DNAH10: variants seen among roughly 807,000 people sequenced by gnomAD.
DNAH10 encodes the protein dynein axonemal heavy chain 10.
A neutral mutation model predicts 506.6 loss-of-function variants in DNAH10; 348 were observed. The observed-to-expected ratio is 0.69, with a 90% CI of 0.63 to 0.75. The LOEUF is 0.75. DNAH10 is among the 30% of genes least tolerant of loss of function. DNAH10 has a pLI of 0.00. For synonymous variants in DNAH10, 2,059 were observed against 2,198.6 expected (o/e 0.94, Z 1.78); for missense variants, 5,179 against 5,787.1 (o/e 0.89, Z 3.41).
intron 30 of DNAH10, among the ~76,000 whole-genome samples, chr12:123,845,207 C>T (rs569830478): frequency 3.3e-5 from 5 of 152,182 alleles, no homozygotes; most frequent in African/African-American, 1.2e-4. Context: ...CTATGTTGCC[C>T]AGGCTAGTCT....
In DNAH10 at chr12:123,919,573, C is replaced by T. The variant is rs1322844023; in HGVS notation, c.11506+624C>T. Among the ~76,000 whole-genome samples the T allele has an allele frequency of 6.6e-6, 1 of 152,180 alleles. No individual in the cohort carries two copies. Among genetic ancestry groups the T allele is most frequent in the Non-Finnish European group, 1.5e-5 (1 of 68,038 alleles). ...CTACTCTCTGGCTCCGGAACGTTTC[C>T]ACCAGCCCCGAAATGAAATCCCATA... On this transcript the variant is annotated intron_variant, in intron 65 of 78. Coordinates refer to ENST00000673944, the MANE Select transcript of DNAH10 (RefSeq NM_001372106.1). The surrounding 1 kb of genome is among the most constrained non-coding windows in gnomAD (Gnocchi z 4.9).
Position 123,914,489 on chromosome 12 carries a change from A to T in DNAH10, c.10513A>T (p.Ile3505Phe), listed in dbSNP as rs765566549. The T allele has an allele frequency of 6.2e-7, 1 of 1,613,660 alleles. No homozygotes were observed. Among genetic ancestry groups the T allele is most frequent in the South Asian group, 1.1e-5 (1 of 91,074 alleles). ...IWQNDILERE[I>F]PLSQPFRLES... ...GCAAAATGACATCCTGGAGCGGGAGATCCCCCTGAGCCAGCCTTTCCGGCT... is the reference window on the plus strand; with the variant it reads ...GCAAAATGACATCCTGGAGCGGGAGTTCCCCCTGAGCCAGCCTTTCCGGCT... The change falls in exon 61 of 79, where the codon ATC (isoleucine) becomes TTC (phenylalanine). Residue 3505 changes from isoleucine (I) to phenylalanine (F), a missense_variant. Physicochemically the swap from Ile to Phe is conservative, Grantham distance 21. This residue lies in a region of DNAH10 where 4,844 missense variants were observed against 5,430.5 expected (regional missense o/e 0.89). Transcript: ENST00000673944.
In DNAH10 at chr12:123,785,883, C is replaced by T; in HGVS notation, c.1368C>T (p.Ala456=). ...TGATTCCGCTCATGGAGCGCATCGC[C>T]TGGGAAATCGCTGAGAGAGTCTGCC... ...ERMIPLMERI[A]WEIAERVCRV... is the part of the protein sequence containing the mutation. Residue 456 remains alanine (A), a synonymous_variant, in exon 9 of 79, where the codon GCC becomes GCT. Coordinates refer to ENST00000673944, the MANE Select transcript of DNAH10 (RefSeq NM_001372106.1). This position sits in a 1 kb window ranked among gnomAD's most constrained non-coding sequence, Gnocchi z 4.1. The T allele has an allele frequency of 6.2e-7, 1 of 1,614,164 alleles. No homozygotes were observed. Among genetic ancestry groups the T allele is most frequent in the Non-Finnish European group, 8.5e-7 (1 of 1,179,992 alleles).
At chr12:123,908,825 A>G (rs778921634) in intron 57 of DNAH10, among the ~76,000 whole-genome samples, 37 of 152,030 alleles carry the variant, frequency 2.4e-4, no homozygotes, top group Admixed American at 2.2e-3. Flanking sequence ...CTGTTTGTCC[A>G]TCTAGTAAAT....
intron 72 of DNAH10, 135 bp from the exon 73 acceptor site, chr12:123,930,267 G>A: frequency 2.0e-5 from 16 of 807,852 alleles, no homozygotes; most frequent in Middle Eastern, 3.8e-4. Context: ...GGTTATGCAA[G>A]TCAACAGGTT....
intron 36 of DNAH10, among the ~76,000 whole-genome samples, chr12:123,856,766 AAAAT>A (rs1413305535): frequency 1.5e-4 from 22 of 147,730 alleles, no homozygotes; most frequent in African/African-American, 4.2e-4. Context: ...TATAAAATAA[AAAAT>A]AAAATTATAT....
intron 57 of DNAH10, among the ~76,000 whole-genome samples, chr12:123,906,713 C>G (rs1253001183): frequency 6.6e-6 from 1 of 151,972 alleles, no homozygotes; most frequent in East Asian, 1.9e-4. Context: ...AGTTTGGATC[C>G]AATTTGAGTT....
chr12:123,844,240 A>G (rs1950870232), intron 30 of DNAH10, among the ~76,000 whole-genome samples: 1 of 152,328 alleles, frequency 6.6e-6, no homozygotes, highest in East Asian at 1.9e-4. Flanking sequence ...AACCGCCCCC[A>G]TGATCCAGTC....
intron 55 of DNAH10, 113 bp from the exon 56 acceptor site, chr12:123,898,540 C>A (rs1953361521): frequency 1.5e-6 from 2 of 1,326,564 alleles, no homozygotes; most frequent in Non-Finnish European, 2.0e-6. Context: ...CATGTGCCAT[C>A]TTGTAAAAAT....
chr12:123,814,048 A>ATT, intron 21 of DNAH10, 136 bp downstream of exon 21: 5 of 757,842 alleles, frequency 6.6e-6, no homozygotes, highest in Non-Finnish European at 1.0e-5. Context: ...TTGTAAATGT[A>ATT]AAGCAATGCC....
In DNAH10 at chr12:123,857,253, G is replaced by A. The variant is rs553010603; in HGVS notation, c.6630+6G>A. On this transcript the variant is annotated splice_donor_region_variant and intron_variant, in intron 37 of 78. Transcript: ENST00000673944. ...ACGCGGTCCTACCCATCCAGGTAAA[G>A]CCAGGAAAATGACCTCACTGTGGCC... The A allele has an allele frequency of 5.8e-6, 9 of 1,540,168 alleles. No homozygotes were observed. The highest frequency in any genetic ancestry group is 3.4e-4 in the Middle Eastern group (2 of 5,846).
chr12:123,877,275 G>A (rs577551347), intron 47 of DNAH10, among the ~76,000 whole-genome samples: 23 of 152,154 alleles, frequency 1.5e-4, no homozygotes, highest in South Asian at 6.3e-4. Context: ...AGGGTCATCC[G>A]TGCTGGAGCT....
At chr12:123,843,809 C>T (rs978114514) in intron 30 of DNAH10, among the ~76,000 whole-genome samples, 57 of 152,224 alleles carry the variant, frequency 3.7e-4, no homozygotes, top group African/African-American at 1.3e-3. Context: ...AACTCCCGAC[C>T]TCAGGTGATC....
At chr12:123,843,388 G>A (rs1026980172) in intron 30 of DNAH10, among the ~76,000 whole-genome samples, 1 of 151,968 alleles carries the variant, frequency 6.6e-6, no homozygotes, top group Non-Finnish European at 1.5e-5. Context: ...GGTTTGTCGC[G>A]TCCTTTACAA....
At chr12:123,934,296 T>A in intron 77 of DNAH10, 1 of 690,648 alleles carries the variant, frequency 1.4e-6, no homozygotes, top group Non-Finnish European at 2.7e-6. Flanking sequence ...GGACCATGCA[T>A]CTTTCTAGCC....
rs1029860867 is a variant in DNAH10 at position 123,926,561 on chromosome 12, C to T, written c.11922-76C>T. 1.6e-5 allele frequency: 24 copies of T among 1,491,670 alleles called. No individual in the cohort carries two copies. Among genetic ancestry groups the T allele is most frequent in the Admixed American group, 8.4e-5 (4 of 47,858 alleles). The allele number at this position is 1,491,670 out of a possible 1,614,324, so 92.4% of individuals were successfully genotyped here. A position where few individuals can be genotyped will look rare whatever the true frequency, so the allele number is the denominator to read the frequency against. Reference sequence around the variant, plus strand: ...AGGTTCTGGACACCGGAGGAGGCAGCGCTGATCAGACAGACCAGCCCCTGG... The same window carrying T: ...AGGTTCTGGACACCGGAGGAGGCAGTGCTGATCAGACAGACCAGCCCCTGG... On this transcript the variant is annotated intron_variant, in intron 68 of 78. Transcript: ENST00000673944. The surrounding 1 kb of genome is among the most constrained non-coding windows in gnomAD (Gnocchi z 4.1).
At position 123,853,362 on chromosome 12, in the gene DNAH10, A is replaced by G. The variant is rs1951250571; in HGVS notation, c.6438+10A>G. ...CTCTGACCTTAGGGAGGTAGGGGCC[A>G]CGTGCTGGAACATTCTCTGGTTTCA... On this transcript the variant is annotated intron_variant, in intron 36 of 78. Transcript: ENST00000673944. This position sits in a 1 kb window ranked among gnomAD's most constrained non-coding sequence, Gnocchi z 4.7. 5 of 1,606,266 alleles carry G rather than the reference A, an allele frequency of 3.1e-6. No individual in the cohort carries two copies. The highest frequency in any genetic ancestry group is 4.2e-6 in the Non-Finnish European group (5 of 1,176,910).
At chr12:123,794,238 C>A in intron 12 of DNAH10, 126 bp downstream of exon 12, 2 of 727,204 alleles carry the variant, frequency 2.8e-6, no homozygotes, top group Non-Finnish European at 3.5e-6. Flanking sequence ...CCCAAATTAG[C>A]ATGTTACGTA....
chr12:123,929,541 G>T, intron 71 of DNAH10, 57 bp downstream of exon 71: 1 of 1,585,858 alleles, frequency 6.3e-7, no homozygotes, highest in South Asian at 1.1e-5. Flanking sequence ...ACTTCCTCCC[G>T]ACTTTCCTCC....
Sources: allele counts gnomAD v4.1 joint callset (sites outside exome capture counted in the v4.1 genomes callset), GRCh38; gene constraint gnomAD v4.1.1; regional missense constraint gnomAD v4.1.1; non-coding constraint Gnocchi (gnomAD v3.1); transcripts MANE v1.5; gene names NCBI Gene and HGNC (gene_info 2026-07-23, HGNC 2026-07-21).